FBXL18: variants seen among roughly 807,000 people sequenced by gnomAD.
FBXL18 encodes F-box and leucine rich repeat protein 18.
FBXL18 carries 36 observed loss-of-function variants against 46.0 expected under a neutral mutation model. The ratio of observed to expected loss-of-function variants is 0.78; its 90% CI spans 0.60 to 1.03. The LOEUF (loss-of-function observed/expected upper bound fraction) is 1.03. Ranked by LOEUF, FBXL18 falls within the 50% of genes least tolerant of loss-of-function variation. The pLI, the probability that FBXL18 is intolerant of heterozygous loss-of-function variation, is 0.00. For synonymous variants in FBXL18, 557 were observed against 465.3 expected, an observed-to-expected ratio of 1.20 and a Z score of -2.54; for missense variants, 977 against 1,004.1, an observed-to-expected ratio of 0.97 and a Z score of 0.36.
At chr7:5,489,952 C>G in intron 4 of FBXL18, 1 of 1,268,402 alleles carries the variant, frequency 7.9e-7, no homozygotes, top group Non-Finnish European at 1.0e-6. Context: ...CTCAAACAAA[C>G]AAACAAGAAA....
At chr7:5,458,518 T>A (rs905750478) in intron 4 of FBXL18, among the ~76,000 whole-genome samples, 3 of 151,564 alleles carry the variant, frequency 2.0e-5, no homozygotes, top group Non-Finnish European at 4.4e-5. Context: ...ATCTACATGA[T>A]GAAACTCCGT....
At chr7:5,475,507 T>C (rs975001861), downstream of FBXL18, among the ~76,000 whole-genome samples, 6 of 152,110 alleles carry the variant, frequency 3.9e-5, no homozygotes, top group African/African-American at 1.4e-4. The surrounding 1 kb of genome is among the most constrained non-coding windows in gnomAD (Gnocchi z 4.2). Flanking sequence ...GTACCTGCAC[T>C]GCTCCCTGCC....
rs374941026 is a variant in FBXL18 at position 5,458,239 on chromosome 7, A to G, written c.2001-10396T>C. 1.6e-4 allele frequency among the ~76,000 whole-genome samples: 24 copies of G among 152,238 alleles called. No individual in the cohort carries two copies. The East Asian group carries it at 3.1e-3, about 20-fold the overall frequency. On this transcript the variant is annotated intron_variant and NMD_transcript_variant, in intron 4 of 6. Coordinates refer to the FBXL18 transcript ENST00000415009. The stretch of plus-strand genomic sequence containing the variant: ...GGAGACGGGTCCACACTGTCCGTCA[A>G]TAAAACCACCCCCCAAGGCCTTGCT...
chr7:5,469,337 C>A (rs1425321896), intron 4 of FBXL18, among the ~76,000 whole-genome samples: 1 of 152,106 alleles, frequency 6.6e-6, no homozygotes, highest in Non-Finnish European at 1.5e-5. Context: ...GCTTGAACTC[C>A]GGAGGTGGAG....
At chr7:5,460,086 C>T (rs1422088892) in intron 4 of FBXL18, among the ~76,000 whole-genome samples, 1 of 151,734 alleles carries the variant, frequency 6.6e-6, no homozygotes, top group East Asian at 1.9e-4. Context: ...ATAGTGAGAC[C>T]CCATCTCTAC....
Position 5,480,367 on chromosome 7 carries a change from C to CA in FBXL18, c.*1407dup, listed in dbSNP as rs1783608988. 6.6e-6 allele frequency: 1 copy of CA among 152,106 alleles called. No homozygotes were observed. 9.4% of individuals were successfully genotyped at this position (152,106 alleles called of 1,614,324 possible). A position where few individuals can be genotyped will look rare whatever the true frequency, so the allele number is the denominator to read the frequency against. ...GGAGGTGGAGGACGGCAGAAGCGGCCACCGTGGCACATGGGGTGAGGACTC... is the reference window on the plus strand; with the variant it reads ...GGAGGTGGAGGACGGCAGAAGCGGCCAACCGTGGCACATGGGGTGAGGACTC... On this transcript the variant is annotated 3_prime_UTR_variant, in exon 5 of 5. Coordinates refer to ENST00000382368, the MANE Select transcript of FBXL18 (RefSeq NM_024963.6).
chr7:5,496,801 G>A lies in FBXL18; in HGVS notation c.1781+3687C>T, dbSNP rs1182310241. Among the ~76,000 whole-genome samples the A allele has an allele frequency of 1.3e-5, 2 of 152,120 alleles. No individual in the cohort carries two copies. Among genetic ancestry groups the A allele is most frequent in the African/African-American group, 4.8e-5 (2 of 41,412 alleles). ...ACCACTTTGGGAGGCCGAGGTGGGC[G>A]GATCACCTGAGGTCAGGAGTTCGAG... On this transcript the variant is annotated intron_variant, in intron 3 of 4. Transcript: ENST00000382368. This position sits in a 1 kb window ranked among gnomAD's most constrained non-coding sequence, Gnocchi z 4.8.
intron 4 of FBXL18, among the ~76,000 whole-genome samples, chr7:5,486,280 G>T (rs1295421503): frequency 7.1e-6 from 1 of 139,922 alleles, no homozygotes. Flanking sequence ...TGAGCTGGTT[G>T]TGGTGGCACA....
At chr7:5,498,105 G>A (rs189054597) in intron 3 of FBXL18, among the ~76,000 whole-genome samples, 2,199 of 133,700 alleles carry the variant, frequency 0.016, 75 homozygotes, top group African/African-American at 0.058. Flanking sequence ...TTTTGAGACC[G>A]AGTCTCACTC....
intron 2 of FBXL18, among the ~76,000 whole-genome samples, chr7:5,504,951 GAA>G (rs1784357458): frequency 2.4e-5 from 1 of 41,408 alleles, no homozygotes; most frequent in African/African-American, 8.1e-5. Flanking sequence ...AAAAAAAAAA[GAA>G]TGGCTAAAAC....
At chr7:5,495,732 T>G (rs1382227861) in intron 3 of FBXL18, 2 of 461,810 alleles carry the variant, frequency 4.3e-6, no homozygotes, top group African/African-American at 4.0e-5. Context: ...GCACAGCTCC[T>G]GCCCACGGGC....
intron 4 of FBXL18, among the ~76,000 whole-genome samples, chr7:5,463,716 A>ATATATATATATT (rs1562672225): frequency 3.3e-5 from 2 of 61,418 alleles, no homozygotes; most frequent in Non-Finnish European, 3.0e-5. Flanking sequence ...TTATTTATTT[A>ATATATATATATT]TTTATTTATT....
At chr7:5,484,189 T>C (rs1783715949) in intron 4 of FBXL18, among the ~76,000 whole-genome samples, 1 of 152,160 alleles carries the variant, frequency 6.6e-6, no homozygotes, top group East Asian at 1.9e-4. Flanking sequence ...TGCTGTCGGC[T>C]GGCCGTGGTG....
intron 4 of FBXL18, chr7:5,490,050 G>A (rs565688064): frequency 1.5e-6 from 2 of 1,345,772 alleles, no homozygotes. Flanking sequence ...CCCCAACCAG[G>A]ATTATTCCTG....
intron 4 of FBXL18, among the ~76,000 whole-genome samples, chr7:5,459,474 C>T (rs577354045): frequency 1.3e-5 from 2 of 152,258 alleles, no homozygotes; most frequent in East Asian, 1.9e-4. Context: ...GGCACGGTGG[C>T]TCACACCTGT....
intron 3 of FBXL18, among the ~76,000 whole-genome samples, chr7:5,499,802 C>A (rs994990204): frequency 1.3e-5 from 2 of 151,032 alleles, no homozygotes; most frequent in African/African-American, 4.9e-5. Flanking sequence ...ACCTGTAATC[C>A]CAGCACCAGC....
chr7:5,456,318 C>A (rs1783174460), intron 4 of FBXL18, among the ~76,000 whole-genome samples: 2 of 152,328 alleles, frequency 1.3e-5, no homozygotes, highest in South Asian at 4.1e-4. Context: ...CCTCAGTTTC[C>A]ACTTCACCCC....
At chr7:5,459,612 C>A (rs1227042882) in intron 4 of FBXL18, among the ~76,000 whole-genome samples, 1 of 151,938 alleles carries the variant, frequency 6.6e-6, no homozygotes, top group African/African-American at 2.4e-5. Context: ...TGGTAGCAGG[C>A]GCCTGTAGTC....
intron 3 of FBXL18, among the ~76,000 whole-genome samples, chr7:5,494,570 A>G (rs1351131588): frequency 6.6e-6 from 1 of 152,248 alleles, no homozygotes; most frequent in Non-Finnish European, 1.5e-5. Flanking sequence ...TTCATTACGT[A>G]TATTTTAAAT....
Sources: gnomAD v4.1 joint callset for allele counts (sites outside exome capture counted in the v4.1 genomes callset) on GRCh38, gnomAD v4.1.1 for gene constraint, Gnocchi (gnomAD v3.1) non-coding constraint, MANE v1.5 for transcripts, NCBI Gene and HGNC (gene_info 2026-07-23, HGNC 2026-07-21) for gene names.